LIPC: variants seen among roughly 807,000 people sequenced by gnomAD.
The protein encoded by LIPC is hepatic triacylglycerol lipase.
Under a neutral mutation model 50.7 loss-of-function variants are expected in LIPC, and 44 were observed. That is an observed-to-expected ratio of 0.87 (90% CI 0.68 to 1.11). The LOEUF (loss-of-function observed/expected upper bound fraction) is 1.11, where lower values mean the gene tolerates loss of function less well. LIPC is among the 50% of genes most tolerant of loss of function. The pLI, the probability that LIPC is intolerant of heterozygous loss-of-function variation, is 0.00. For synonymous variants in LIPC, 271 were observed against 256.4 expected, an observed-to-expected ratio of 1.06 and a Z score of -0.54; for missense variants, 697 against 648.2, an observed-to-expected ratio of 1.08 and a Z score of -0.82.
rs374467536 is a variant in LIPC, at chr15:58,432,017, C to G, written c.-16C>G. 4.4e-6 allele frequency: 7 copies of G among 1,597,780 alleles called. No individual in the cohort carries two copies. Among genetic ancestry groups the G allele is most frequent in the Non-Finnish European group, 6.0e-6 (7 of 1,165,448 alleles). ...GAAATTACCAAGAAAGCCTGGACCC[C>G]GGGTGAAACGGAGAAATGGACACAA... is the stretch of plus-strand genomic sequence containing the variant. On this transcript the variant is annotated 5_prime_UTR_variant, in exon 1 of 9. Transcript: ENST00000299022.
rs780841301 is a variant in LIPC, at chr15:58,543,714, G to A, written c.574+1063G>A. Among the ~76,000 whole-genome samples the A allele has an allele frequency of 8.5e-5, 13 of 152,106 alleles. No homozygotes were observed. The East Asian group carries it at 1.9e-3, about 23-fold the overall frequency. The stretch of plus-strand genomic sequence containing the variant: ...TGCAATGGCATGATGTTAACTCACC[G>A]CAACCTCTGCCTCCCGGGTTCAAGC... On this transcript the variant is annotated intron_variant, in intron 4 of 8. Coordinates refer to ENST00000299022, the MANE Select transcript of LIPC (RefSeq NM_000236.3).
intron 1 of LIPC, among the ~76,000 whole-genome samples, chr15:58,513,960 G>C (rs1331971682): frequency 6.6e-6 from 1 of 152,202 alleles, no homozygotes; most frequent in Non-Finnish European, 1.5e-5. Context: ...CCATAATGCA[G>C]AATTAGTAGC....
At chr15:58,533,772 C>G (rs1268151638) in intron 1 of LIPC, among the ~76,000 whole-genome samples, 1 of 151,998 alleles carries the variant, frequency 6.6e-6, no homozygotes, top group Admixed American at 6.6e-5. Flanking sequence ...AAGATATACT[C>G]CAAATGTTAT....
At chr15:58,550,785 G>C in intron 6 of LIPC, among the ~76,000 whole-genome samples, 1 of 150,152 alleles carries the variant, frequency 6.7e-6, no homozygotes, top group East Asian at 1.9e-4. Context: ...TTCCAGTGCC[G>C]AGCTGTGGCT....
chr15:58,482,493 T>A (rs558577459), intron 1 of LIPC, among the ~76,000 whole-genome samples: 3 of 152,204 alleles, frequency 2.0e-5, no homozygotes, highest in African/African-American at 7.2e-5. Context: ...CTAGGTCTTA[T>A]GGCTTCATCC....
At chr15:58,505,495 T>C (rs1595904793) in intron 1 of LIPC, among the ~76,000 whole-genome samples, 1 of 152,226 alleles carries the variant, frequency 6.6e-6, no homozygotes, top group African/African-American at 2.4e-5. Flanking sequence ...TGGTGAATGG[T>C]CTGCCAGCTT....
chr15:58,564,833 C>T (rs148359717), intron 8 of LIPC, among the ~76,000 whole-genome samples: 208 of 152,268 alleles, frequency 1.4e-3, no homozygotes, highest in Middle Eastern at 6.8e-3. Context: ...CCATAGCAAC[C>T]GTGCTTTTCG....
intron 6 of LIPC, among the ~76,000 whole-genome samples, chr15:58,557,032 T>C (rs1426037708): frequency 6.6e-6 from 1 of 152,244 alleles, no homozygotes; most frequent in Non-Finnish European, 1.5e-5. Flanking sequence ...GTTTTCAGTG[T>C]ATTTTTACAC....
intron 1 of LIPC, among the ~76,000 whole-genome samples, chr15:58,445,367 G>C (rs1893657476): frequency 6.6e-6 from 1 of 152,232 alleles, no homozygotes; most frequent in Non-Finnish European, 1.5e-5. Context: ...GCTGGCTTCA[G>C]CCAGGGGGTT....
rs386383140 is a variant in LIPC at position 58,557,379 on chromosome 15, C to CTTTTTTTTTTTTTTT, written c.1052-3476_1052-3462dup. On this transcript the variant is annotated intron_variant, in intron 6 of 8. Transcript: ENST00000299022. ...ATCATGCATACTGCCATTATATGCT[C>CTTTTTTTTTTTTTTT]TTTTTTTTTTTTTTTTTTTTTTTGA... Among the ~76,000 whole-genome samples the CTTTTTTTTTTTTTTT allele has an allele frequency of 2.8e-4, 21 of 75,692 alleles. 4 individuals are homozygous for CTTTTTTTTTTTTTTT. The highest frequency in any genetic ancestry group is 5.4e-4 in the African/African-American group (10 of 18,578). The allele number at this position is 75,692 out of a possible 152,430, so 49.7% of individuals were successfully genotyped here.
At chr15:58,495,388 G>A (rs1241565971) in intron 1 of LIPC, among the ~76,000 whole-genome samples, 9 of 152,234 alleles carry the variant, frequency 5.9e-5, no homozygotes, top group African/African-American at 2.2e-4. Flanking sequence ...CATAGAATCT[G>A]TTTCTCTCCC....
At chr15:58,440,285 A>G (rs1318195606) in intron 1 of LIPC, among the ~76,000 whole-genome samples, 2 of 152,186 alleles carry the variant, frequency 1.3e-5, no homozygotes, top group East Asian at 3.8e-4. Context: ...TTCTTTTCCT[A>G]TGAGTGAGGC....
chr15:58,561,890 A>G (rs1476644765), intron 7 of LIPC, among the ~76,000 whole-genome samples: 1 of 152,122 alleles, frequency 6.6e-6, no homozygotes, highest in Non-Finnish European at 1.5e-5. Flanking sequence ...CCTTCCCACC[A>G]TGGCTTGAAC....
rs1173619525 is a variant in LIPC, at chr15:58,566,546, C to G, written c.1389-2170C>G. ...CGGGATGGGAACATTAAACTCTACA[C>G]TCGTAATATCGCTGCTAAGTGCAAG... On this transcript the variant is annotated intron_variant, in intron 8 of 8. Coordinates refer to ENST00000299022, the MANE Select transcript of LIPC (RefSeq NM_000236.3). The G allele has an allele frequency of 1.6e-5, 11 of 698,740 alleles. No individual in the cohort carries two copies. In the African/African-American group the frequency reaches 2.1e-4, roughly 14 times the overall value. The allele number at this position is 698,740 out of a possible 1,614,324, so 43.3% of individuals were successfully genotyped here. A position where few individuals can be genotyped will look rare whatever the true frequency, so the allele number is the denominator to read the frequency against.
intron 1 of LIPC, among the ~76,000 whole-genome samples, chr15:58,470,596 C>CTTTTTT (rs1477143597): frequency 9.9e-6 from 1 of 101,002 alleles, no homozygotes; most frequent in Admixed American, 9.9e-5. Context: ...GCATTTAACT[C>CTTTTTT]CTTTTTTTTT....
In LIPC at chr15:58,550,339, T is replaced by C. The variant is rs150007052; in HGVS notation, c.1051+1767T>C. On this transcript the variant is annotated intron_variant, in intron 6 of 8. Coordinates refer to ENST00000299022, the MANE Select transcript of LIPC (RefSeq NM_000236.3). ...TCTGATTTGGCCCAGCCCTAGGACA[T>C]CTACTGGGGACTTGGAGATTGGGAA... 5.9e-3 allele frequency among the ~76,000 whole-genome samples: 899 copies of C among 152,190 alleles called. 10 individuals carry two copies. Among genetic ancestry groups the C allele is most frequent in the African/African-American group, 0.02 (846 of 41,516 alleles).
At chr15:58,444,204 T>C (rs1318508949) in intron 1 of LIPC, among the ~76,000 whole-genome samples, 1 of 152,178 alleles carries the variant, frequency 6.6e-6, no homozygotes, top group Non-Finnish European at 1.5e-5. Flanking sequence ...TTGTGCCGCA[T>C]AGAGGGACTC....
chr15:58,541,538 A>T (rs1893323796), intron 2 of LIPC, among the ~76,000 whole-genome samples: 1 of 152,084 alleles, frequency 6.6e-6, no homozygotes, highest in African/African-American at 2.4e-5. Flanking sequence ...TTGGTTTTCA[A>T]AACCTGGGGC....
At chr15:58,511,961 T>C (rs1892342358) in intron 1 of LIPC, among the ~76,000 whole-genome samples, 1 of 152,168 alleles carries the variant, frequency 6.6e-6, no homozygotes, top group African/African-American at 2.4e-5. Context: ...TACACACAAT[T>C]AAACTCAAAC....
Sources: gnomAD v4.1 joint callset for allele counts (sites outside exome capture counted in the v4.1 genomes callset) on GRCh38, gnomAD v4.1.1 for gene constraint, MANE v1.5 for transcripts, NCBI Gene and HGNC (gene_info 2026-07-23, HGNC 2026-07-21) for gene names.